Variants in GATM observed in about 807,000 individuals in gnomAD.
The protein encoded by GATM is glycine amidinotransferase, mitochondrial.
GATM carries 23 observed loss-of-function variants against 54.2 expected under a neutral mutation model. The observed-to-expected ratio is 0.42, with a 90% CI of 0.31 to 0.60. The LOEUF is 0.60. GATM is among the 20% of genes least tolerant of loss of function. GATM has a pLI of 0.14. For synonymous variants in GATM, 168 were observed against 183.1 expected, an observed-to-expected ratio of 0.92 and a Z score of 0.67; for missense variants, 401 against 544.9, an observed-to-expected ratio of 0.74 and a Z score of 2.63.
chr15:45,376,538 G>A lies in GATM; in HGVS notation c.288+63C>T, dbSNP rs955167180. On this transcript the variant is annotated intron_variant, in intron 2 of 8. Coordinates refer to ENST00000396659, the MANE Select transcript of GATM (RefSeq NM_001482.3). ...GAGTAAGCTGAAGGGAAAGCAGTCA[G>A]AGGGTAGCAGCAGCAGGTGAGGAGG... The A allele has an allele frequency of 2.2e-6, 3 of 1,382,198 alleles. No individual in the cohort carries two copies. The African/African-American group carries it at 4.3e-5, about 20-fold the overall frequency. The allele number at this position is 1,382,198 out of a possible 1,614,324, so 85.6% of individuals were successfully genotyped here.
intron 2 of GATM, among the ~76,000 whole-genome samples, chr15:45,397,667 T>A (rs1409517421): frequency 6.6e-6 from 1 of 152,202 alleles, no homozygotes; most frequent in Non-Finnish European, 1.5e-5. Flanking sequence ...CTGAGTTCCA[T>A]GAGCCATCCT....
chr15:45,383,920 A>G (rs1231525316), intron 3 of GATM, among the ~76,000 whole-genome samples: 2 of 152,228 alleles, frequency 1.3e-5, no homozygotes, highest in Admixed American at 1.3e-4. Flanking sequence ...TGTGCCAGAT[A>G]AGAGCTTCAC....
chr15:45,376,213 C>G (rs1003617722), intron 2 of GATM, among the ~76,000 whole-genome samples: 3 of 152,124 alleles, frequency 2.0e-5, no homozygotes, highest in African/African-American at 7.2e-5. Flanking sequence ...ACTCGTTGAT[C>G]TGGAAGGAGT....
At chr15:45,369,735 T>G in intron 2 of GATM, 1 of 559,356 alleles carries the variant, frequency 1.8e-6, no homozygotes, top group South Asian at 2.1e-5. Flanking sequence ...CTTGATATTT[T>G]GAGGCCTTTT....
chr15:45,373,923 G>A (rs1889586016), intron 2 of GATM, among the ~76,000 whole-genome samples: 1 of 152,166 alleles, frequency 6.6e-6, no homozygotes, highest in African/African-American at 2.4e-5. Context: ...CCAGACGAAT[G>A]AAATCAATAC....
intron 1 of GATM, among the ~76,000 whole-genome samples, chr15:45,400,761 A>G (rs1473730607): frequency 1.3e-5 from 2 of 152,234 alleles, no homozygotes; most frequent in African/African-American, 4.8e-5. Context: ...CACTGTAAAT[A>G]TAAGTAAATC....
At chr15:45,398,171 ATTG>A (rs1278564104) in intron 2 of GATM, among the ~76,000 whole-genome samples, 1 of 152,154 alleles carries the variant, frequency 6.6e-6, no homozygotes, top group Non-Finnish European at 1.5e-5. Context: ...CAGTGTTTTT[ATTG>A]TTGTTGTTTG....
intron 3 of GATM, among the ~76,000 whole-genome samples, chr15:45,383,645 A>T (rs1889771913): frequency 6.6e-6 from 1 of 151,560 alleles, no homozygotes; most frequent in Non-Finnish European, 1.5e-5. Context: ...CCCAGGCTGG[A>T]GTGCAGTGGC....
At chr15:45,378,314 C>A (rs988888230) in intron 1 of GATM, 71 bp downstream of exon 1, 1 of 1,243,952 alleles carries the variant, frequency 8.0e-7, no homozygotes, top group Non-Finnish European at 1.1e-6. Flanking sequence ...AGGGAGCGAG[C>A]GAGTGCTCCA....
intron 2 of GATM, among the ~76,000 whole-genome samples, chr15:45,375,449 GCTAGGTGGTGGTAGGTTTAAACTACAGA>G (rs1440349880): frequency 1.3e-5 from 2 of 152,218 alleles, no homozygotes; most frequent in South Asian, 2.1e-4. Flanking sequence ...TGTCATTGAA[GCTAGGTGGTGGTAGGTTTAAACTACAGA>G]CTAAAGGGCA....
At chr15:45,380,085 C>G (rs1479542749), upstream of GATM, 3 of 134,198 alleles carry the variant, frequency 2.2e-5, no homozygotes, top group African/African-American at 8.9e-5. Flanking sequence ...GATGGCGCCA[C>G]TGCACTCCAG....
At chr15:45,367,733 T>TAC (rs1405834363) in intron 4 of GATM, among the ~76,000 whole-genome samples, 6 of 152,208 alleles carry the variant, frequency 3.9e-5, no homozygotes, top group African/African-American at 1.4e-4. Flanking sequence ...TGAACAGTGG[T>TAC]ACACCTGTAG....
At chr15:45,382,294 T>G (rs1276907560), upstream of GATM, among the ~76,000 whole-genome samples, 1 of 152,190 alleles carries the variant, frequency 6.6e-6, no homozygotes, top group Non-Finnish European at 1.5e-5. Context: ...AACCTTGGCA[T>G]AGGGGAGTTA....
Position 45,366,491 on chromosome 15 carries a change from A to G in GATM, c.693T>C (p.Ser231=), listed in dbSNP as rs1889450287. ...ELYNQDYPIH[S]VEDRHKLAAQ... is the part of the protein sequence containing the mutation. ...CAGCCAATTTGTGTCTGTCTTCTAC[A>G]GAGTGGATGGGATAATCCTAATTGG... The change falls in exon 5 of 9, where the codon TCT becomes TCC. Residue 231 remains serine, a synonymous_variant. Coordinates refer to ENST00000396659, the MANE Select transcript of GATM (RefSeq NM_001482.3). The G allele has an allele frequency of 1.2e-6, 2 of 1,614,060 alleles. No individual in the cohort carries two copies. The highest frequency in any genetic ancestry group is 1.7e-6 in the Non-Finnish European group (2 of 1,180,026).
intron 7 of GATM, chr15:45,364,549 A>G (rs1889416945): frequency 4.6e-6 from 2 of 439,118 alleles, no homozygotes; most frequent in Non-Finnish European, 8.3e-6. Flanking sequence ...AAAAAAAAAA[A>G]GTCATATCTT....
chr15:45,401,165 G>C (rs1175658297), intron 1 of GATM, among the ~76,000 whole-genome samples: 1 of 152,166 alleles, frequency 6.6e-6, no homozygotes, highest in African/African-American at 2.4e-5. Context: ...GCTGAGACCA[G>C]GTAAGTTACT....
In GATM at chr15:45,368,670, G is replaced by A. The variant is rs1471003608; in HGVS notation, c.485-410C>T. 6.6e-6 allele frequency among the ~76,000 whole-genome samples: 1 copy of A among 151,070 alleles called. No individual in the cohort carries two copies. Among genetic ancestry groups the A allele is most frequent in the African/African-American group, 2.4e-5 (1 of 40,990 alleles). ...ACCTCTTTTTTTGGTTAAAAAAATT[G>A]CTAGAAATACATGTGTGTATATATA... On this transcript the variant is annotated intron_variant, in intron 3 of 8. Transcript: ENST00000396659. The surrounding 1 kb of genome is among the most constrained non-coding windows in gnomAD (Gnocchi z 5.1).
intron 4 of GATM, 95 bp from the exon 5 acceptor site, chr15:45,366,603 T>C (rs866566184): frequency 9.4e-6 from 13 of 1,380,380 alleles, no homozygotes; most frequent in Middle Eastern, 2.4e-4. Flanking sequence ...TTAACATCAT[T>C]TCCCAAAATA....
intron 4 of GATM, among the ~76,000 whole-genome samples, chr15:45,367,713 G>A (rs1301133748): frequency 6.6e-6 from 1 of 152,018 alleles, no homozygotes; most frequent in Non-Finnish European, 1.5e-5. Context: ...GACTTTTCTG[G>A]TTCCACTAAT....
Sources: allele counts gnomAD v4.1 joint callset (sites outside exome capture counted in the v4.1 genomes callset), GRCh38; gene constraint gnomAD v4.1.1; non-coding constraint Gnocchi (gnomAD v3.1); transcripts MANE v1.5; gene names NCBI Gene and HGNC (gene_info 2026-07-23, HGNC 2026-07-21).